The following LYRM4 variants were observed in gnomAD, a reference collection of about 807,000 sequenced individuals.
LYRM4 encodes LYR motif containing 4, also known as LYR motif-containing protein 4.
A neutral mutation model predicts 11.7 loss-of-function variants in LYRM4; 9 were observed. The observed-to-expected ratio is 0.77, with a 90% CI of 0.46 to 1.34. LYRM4 has a LOEUF of 1.34. Among genes scored for constraint, LYRM4 ranks in the 40% most tolerant of loss-of-function variants. LYRM4 has a pLI of 0.00. For synonymous variants in LYRM4, 42 were observed against 40.4 expected (o/e 1.04, Z -0.15); for missense variants, 133 against 112.5 (o/e 1.18, Z -0.82).
At chr6:5,069,554 C>T in the LYRM4 span, among the ~76,000 whole-genome samples, 4 of 151,748 alleles carry the variant, frequency 2.6e-5, no homozygotes, top group Non-Finnish European at 4.4e-5. Flanking sequence ...GATCTCAGTT[C>T]ACTGCAACCT....
intron 1 of LYRM4, among the ~76,000 whole-genome samples, chr6:5,234,643 A>C (rs1763432855): frequency 6.6e-6 from 1 of 152,160 alleles, no homozygotes; most frequent in African/African-American, 2.4e-5. Flanking sequence ...AGAATTCAAA[A>C]CCCAAGGTTC....
chr6:5,168,251 T>A (rs1229596846), intron 2 of LYRM4, among the ~76,000 whole-genome samples: 1 of 152,170 alleles, frequency 6.6e-6, no homozygotes, highest in African/African-American at 2.4e-5. Context: ...AGGGTGATCA[T>A]CAATGGATGC....
At chr6:5,169,517 G>A (rs1759292922) in intron 2 of LYRM4, among the ~76,000 whole-genome samples, 1 of 152,202 alleles carries the variant, frequency 6.6e-6, no homozygotes. Flanking sequence ...AATGCAGTGA[G>A]CATGGGTTCT....
At chr6:5,190,451 C>A (rs533672720) in intron 2 of LYRM4, among the ~76,000 whole-genome samples, 95 of 152,218 alleles carry the variant, frequency 6.2e-4, no homozygotes, top group Admixed American at 2.0e-3. Flanking sequence ...ATTAAATATT[C>A]AATTAAATGA....
At chr6:5,046,506 G>A in the LYRM4 span, among the ~76,000 whole-genome samples, 1 of 152,160 alleles carries the variant, frequency 6.6e-6, no homozygotes, top group African/African-American at 2.4e-5. Context: ...TCGCGTGGCT[G>A]CCGTCTTCTG....
chr6:5,172,238 G>T (rs1041691540), intron 2 of LYRM4, among the ~76,000 whole-genome samples: 1 of 152,160 alleles, frequency 6.6e-6, no homozygotes, highest in African/African-American at 2.4e-5. Context: ...GCTGCACACC[G>T]TGTGTTCCAA....
At chr6:5,157,843 T>C (rs959872906) in intron 2 of LYRM4, among the ~76,000 whole-genome samples, 5 of 152,190 alleles carry the variant, frequency 3.3e-5, no homozygotes, top group Non-Finnish European at 7.3e-5. Context: ...TAGGGTAACA[T>C]GAATTGGATT....
At chr6:5,209,521 G>T (rs988603824) in intron 2 of LYRM4, among the ~76,000 whole-genome samples, 1 of 152,134 alleles carries the variant, frequency 6.6e-6, no homozygotes, top group East Asian at 1.9e-4. Flanking sequence ...AGTGCTGCTG[G>T]CGTATGCTTT....
the LYRM4 span, chr6:5,085,583 CCT>C: frequency 3.9e-6 from 6 of 1,545,484 alleles, no homozygotes; most frequent in Admixed American, 2.0e-5. Context: ...CCGGTGGTCC[CCT>C]GTGTGCAGGG....
chr6:5,165,028 A>G (rs1758995749), intron 2 of LYRM4, among the ~76,000 whole-genome samples: 1 of 151,810 alleles, frequency 6.6e-6, no homozygotes, highest in Non-Finnish European at 1.5e-5. Context: ...ATTATGTTCT[A>G]CAGAAGCTTT....
chr6:5,124,333 C>T (rs933152359), intron 2 of LYRM4, among the ~76,000 whole-genome samples: 5 of 152,196 alleles, frequency 3.3e-5, no homozygotes, highest in Admixed American at 1.3e-4. Context: ...ATTCCCACCT[C>T]AGCCTCCCAA....
intron 2 of LYRM4, among the ~76,000 whole-genome samples, chr6:5,179,065 C>CAA (rs58749743): frequency 4.8e-5 from 5 of 103,918 alleles, no homozygotes; most frequent in Non-Finnish European, 5.8e-5. Flanking sequence ...ACCAAAAAAA[C>CAA]AAAAAAAAAA....
intron 2 of LYRM4, among the ~76,000 whole-genome samples, chr6:5,215,218 A>G (rs1762209230): frequency 6.6e-6 from 1 of 152,234 alleles, no homozygotes; most frequent in South Asian, 2.1e-4. Flanking sequence ...ACCTCTACAC[A>G]GAGTAAGTGC....
intron 2 of LYRM4, among the ~76,000 whole-genome samples, chr6:5,167,575 C>T (rs1020836159): frequency 6.6e-6 from 1 of 152,166 alleles, no homozygotes; most frequent in Non-Finnish European, 1.5e-5. Context: ...GCAACATAAA[C>T]GATAAAACCC....
chr6:5,214,624 G>C (rs1183031758), intron 2 of LYRM4, among the ~76,000 whole-genome samples: 1 of 152,220 alleles, frequency 6.6e-6, no homozygotes, highest in Non-Finnish European at 1.5e-5. Context: ...ACAGCAGCCA[G>C]TTACAGAGAA....
intron 2 of LYRM4, among the ~76,000 whole-genome samples, chr6:5,118,264 GCAC>G (rs1433120243): frequency 2.6e-5 from 4 of 151,690 alleles, no homozygotes; most frequent in African/African-American, 9.7e-5. Context: ...CTGCAGGCAT[GCAC>G]CACCACACCT....
At chr6:5,112,387 T>A (rs1018629570) in intron 2 of LYRM4, among the ~76,000 whole-genome samples, 2 of 151,912 alleles carry the variant, frequency 1.3e-5, no homozygotes, top group African/African-American at 4.9e-5. Flanking sequence ...AGCGAAGGAA[T>A]CTGAGCCCAA....
At chr6:5,086,818 C>A in the LYRM4 span, 2 of 517,836 alleles carry the variant, frequency 3.9e-6, no homozygotes, top group Non-Finnish European at 6.7e-6. Flanking sequence ...CCTACAAGGC[C>A]TCTAGAATTC....
the LYRM4 span, chr6:5,085,808 C>T: frequency 6.5e-7 from 1 of 1,527,818 alleles, no homozygotes; most frequent in Non-Finnish European, 8.8e-7. Flanking sequence ...CAGGCGGTGG[C>T]ACTGGGCGGC....
Sources: gnomAD v4.1 joint callset for allele counts (sites outside exome capture counted in the v4.1 genomes callset) on GRCh38, gnomAD v4.1.1 for gene constraint, MANE v1.5 for transcripts, NCBI Gene and HGNC (gene_info 2026-07-23, HGNC 2026-07-21) for gene names.